The following MUSK variants were observed in gnomAD, a reference collection of about 807,000 sequenced individuals.
MUSK encodes the protein muscle associated receptor tyrosine kinase.
Under a neutral mutation model 88.7 loss-of-function variants are expected in MUSK, and 55 were observed. The ratio of observed to expected loss-of-function variants is 0.62; its 90% CI spans 0.50 to 0.78. The LOEUF (loss-of-function observed/expected upper bound fraction) is 0.78, where lower values mean the gene tolerates loss of function less well. Ranked by LOEUF, MUSK falls within the 30% of genes least tolerant of loss-of-function variation. The pLI is 0.00. For missense variants in MUSK, 1,015 were observed against 1,074.3 expected (o/e 0.94, Z 0.77); for synonymous variants, 387 against 391.9 (o/e 0.99, Z 0.15).
chr9:110,784,236 A>G (rs567497931), intron 11 of MUSK, among the ~76,000 whole-genome samples: 13 of 152,300 alleles, frequency 8.5e-5, no homozygotes, highest in African/African-American at 3.1e-4. Flanking sequence ...TTTGTACTCT[A>G]CAAATAGTGG....
chr9:110,755,937 T>TATATATATATACATATATATAAC (rs1554750760), intron 7 of MUSK, among the ~76,000 whole-genome samples: 7,729 of 87,874 alleles, frequency 0.088, 667 homozygotes, highest in East Asian at 0.3. Flanking sequence ...TATATACATA[T>TATATATATATACATATATATAAC]ATATATATAT....
intron 3 of MUSK, among the ~76,000 whole-genome samples, chr9:110,694,679 C>A (rs1003462196): frequency 6.6e-6 from 1 of 152,034 alleles, no homozygotes; most frequent in Non-Finnish European, 1.5e-5. Flanking sequence ...AACTATTTTA[C>A]GAATAGTACT....
At chr9:110,754,552 G>A (rs2077288048) in intron 7 of MUSK, among the ~76,000 whole-genome samples, 1 of 152,048 alleles carries the variant, frequency 6.6e-6, no homozygotes, top group African/African-American at 2.4e-5. Context: ...CCCCTCCCAG[G>A]TACTATGGCT....
rs558261229 is a variant in MUSK, at chr9:110,722,576, T to C, written c.629-11675T>C. On this transcript the variant is annotated intron_variant, in intron 5 of 14. Transcript: ENST00000374448. ...GGACTTAATTAAACTAAAAAGCTTC[T>C]GTACAGCAAAAGAAATAATCAGCAG... is the stretch of plus-strand genomic sequence containing the variant. Among the ~76,000 whole-genome samples, 20 of 151,376 alleles carry C rather than the reference T, an allele frequency of 1.3e-4. No individual in the cohort carries two copies. The South Asian group carries it at 3.8e-3, about 28-fold the overall frequency.
chr9:110,776,066 A>G, intron 10 of MUSK, 103 bp downstream of exon 10: 1 of 1,316,804 alleles, frequency 7.6e-7, no homozygotes, highest in Non-Finnish European at 1.0e-6. Flanking sequence ...AGGCATTTCT[A>G]ATTTTTTTTT....
chr9:110,681,206 T>G (rs893495895), intron 1 of MUSK, among the ~76,000 whole-genome samples: 2 of 123,470 alleles, frequency 1.6e-5, no homozygotes, highest in Non-Finnish European at 3.3e-5. Context: ...TAATATATAT[T>G]ATAATGATTA....
At chr9:110,762,140 T>G in intron 7 of MUSK, 62 bp from the exon 8 acceptor site, 1 of 1,283,278 alleles carries the variant, frequency 7.8e-7, no homozygotes, top group Non-Finnish European at 1.0e-6. Flanking sequence ...GAAAATGTAC[T>G]AACGTTCTTT....
At chr9:110,725,986 A>T (rs2076878542) in intron 5 of MUSK, among the ~76,000 whole-genome samples, 3 of 152,006 alleles carry the variant, frequency 2.0e-5, no homozygotes, top group Non-Finnish European at 4.4e-5. Flanking sequence ...TGACCAAAAA[A>T]GTCATACAGC....
At chr9:110,675,026 G>A (rs1404463661) in intron 1 of MUSK, among the ~76,000 whole-genome samples, 1 of 152,066 alleles carries the variant, frequency 6.6e-6, no homozygotes, top group Non-Finnish European at 1.5e-5. Flanking sequence ...CATTTGCACA[G>A]TGCTCCATGT....
intron 1 of MUSK, among the ~76,000 whole-genome samples, chr9:110,670,738 C>A (rs1035353027): frequency 5.9e-5 from 9 of 152,032 alleles, no homozygotes; most frequent in Admixed American, 1.3e-4. Context: ...GTTTTAAAAT[C>A]AAAAAATTTA....
chr9:110,690,045 A>C (rs1227895028), intron 3 of MUSK, among the ~76,000 whole-genome samples: 3 of 95,122 alleles, frequency 3.2e-5, no homozygotes, highest in African/African-American at 1.3e-4. Context: ...ATATAAGTAT[A>C]AATATATAAA....
intron 7 of MUSK, among the ~76,000 whole-genome samples, chr9:110,761,129 G>T (rs950031926): frequency 6.6e-6 from 1 of 152,116 alleles, no homozygotes; most frequent in Non-Finnish European, 1.5e-5. Flanking sequence ...GAAAGAAAAT[G>T]GAATAATTCA....
In MUSK at chr9:110,687,251, C is replaced by T; in HGVS notation, c.341C>T (p.Ala114Val). 1 of 1,613,718 alleles carries T rather than the reference C, an allele frequency of 6.2e-7. No homozygotes were observed. Among genetic ancestry groups the T allele is most frequent in the Non-Finnish European group, 8.5e-7 (1 of 1,179,750 alleles). ...GGAGGAGCTGTGGAGAGTTGTGGAGCCCTGCAAGTGAAGATGAGTGAGTGG... is the reference window on the plus strand; with the variant it reads ...GGAGGAGCTGTGGAGAGTTGTGGAGTCCTGCAAGTGAAGATGAGTGAGTGG... ...GVGGAVESCG[A>V]LQVKMKPKIT... Residue 114 changes from alanine (A) to valine (V), a missense_variant, in exon 3 of 15, where the codon GCC becomes GTC. By Grantham distance (64) the Ala-to-Val change is moderately conservative. Coordinates refer to ENST00000374448, the MANE Select transcript of MUSK (RefSeq NM_005592.4).
intron 2 of MUSK, among the ~76,000 whole-genome samples, chr9:110,686,692 C>T (rs1311262868): frequency 1.3e-5 from 2 of 152,146 alleles, no homozygotes; most frequent in South Asian, 4.1e-4. Context: ...AAATATTCAA[C>T]TAATCATTAG....
At position 110,686,559 on chromosome 9, in the gene MUSK, T is replaced by C. The variant is rs553917051; in HGVS notation, c.207-558T>C. 5.9e-5 allele frequency among the ~76,000 whole-genome samples: 9 copies of C among 152,284 alleles called. No homozygotes were observed. In the East Asian group the frequency reaches 1.7e-3, roughly 29 times the overall value. ...AATGGTTTGCATATAATTAAATAGG[T>C]AATATATGTAAAGCATATATTTTTA... is the stretch of plus-strand genomic sequence containing the variant. On this transcript the variant is annotated intron_variant, in intron 2 of 14. Transcript: ENST00000374448.
In MUSK at chr9:110,768,037, C is replaced by A. The variant is rs1249712263; in HGVS notation, c.1138C>A (p.Gln380Lys). The A allele has an allele frequency of 6.2e-7, 1 of 1,613,828 alleles. No homozygotes were observed. Among genetic ancestry groups the A allele is most frequent in the Non-Finnish European group, 8.5e-7 (1 of 1,179,894 alleles). The stretch of plus-strand genomic sequence containing the variant: ...GGCTTTGTTGTGTAACCACATCTTC[C>A]AGGAGTGCAGTCCTGGAGTAGTGCC... ...AEALLCNHIF[Q>K]ECSPGVVPTP... The change falls in exon 9 of 15, where the codon CAG (glutamine) becomes AAG (lysine). Residue 380 changes from glutamine (Q) to lysine (K), a missense_variant. Physicochemically the swap from Gln to Lys is moderately conservative, Grantham distance 53 (BLOSUM62 1). Transcript: ENST00000374448.
At chr9:110,788,135 A>AT in intron 14 of MUSK, 1 of 339,064 alleles carries the variant, frequency 2.9e-6, no homozygotes, top group East Asian at 7.0e-5. Flanking sequence ...CCATCACAAA[A>AT]TTTATCAATA....
intron 8 of MUSK, among the ~76,000 whole-genome samples, chr9:110,766,704 A>T (rs533240324): frequency 6.6e-6 from 1 of 152,312 alleles, no homozygotes; most frequent in South Asian, 2.1e-4. Context: ...AATTTGTTTA[A>T]TTTTCTTACT....
intron 11 of MUSK, among the ~76,000 whole-genome samples, chr9:110,783,889 A>G (rs1274649778): frequency 6.6e-6 from 1 of 152,022 alleles, no homozygotes; most frequent in African/African-American, 2.4e-5. Flanking sequence ...TGTCTAATCT[A>G]TAACTATAGT....
Sources: allele counts gnomAD v4.1 joint callset (sites outside exome capture counted in the v4.1 genomes callset), GRCh38; gene constraint gnomAD v4.1.1; transcripts MANE v1.5; gene names NCBI Gene and HGNC (gene_info 2026-07-23, HGNC 2026-07-21).